The following SYK variants were observed in gnomAD, a reference collection of about 807,000 sequenced individuals.
The protein encoded by SYK is spleen associated tyrosine kinase.
Under a neutral mutation model 77.8 loss-of-function variants are expected in SYK, and 16 were observed. The observed-to-expected ratio is 0.21, with a 90% CI of 0.14 to 0.31. SYK has a LOEUF of 0.31. Among genes scored for constraint, SYK ranks in the 10% least tolerant of loss-of-function variants. SYK has a pLI of 1.00. For missense variants in SYK, 529 were observed against 814.4 expected (o/e 0.65, Z 4.26); for synonymous variants, 312 against 308.7 (o/e 1.01, Z -0.11).
In SYK at chr9:90,884,638, C is replaced by CAT. The variant is rs1306950206; in HGVS notation, c.1582-3105_1582-3104dup. On this transcript the variant is annotated intron_variant, in intron 11 of 13. Coordinates refer to ENST00000375754, the MANE Select transcript of SYK (RefSeq NM_003177.7). ...ACATATACACATATGTGTACATGTA[C>CAT]ATATATACACATATACACATATGTG... Among the ~76,000 whole-genome samples the CAT allele has an allele frequency of 7.0e-5, 4 of 56,762 alleles. 2 individuals carry two copies. The Admixed American group carries it at 7.6e-4, about 11-fold the overall frequency. The allele number at this position is 56,762 out of a possible 152,430, so 37.2% of individuals were successfully genotyped here.
At chr9:90,835,232 A>G (rs964567620) in intron 1 of SYK, among the ~76,000 whole-genome samples, 1 of 152,186 alleles carries the variant, frequency 6.6e-6, no homozygotes, top group Admixed American at 6.5e-5. Context: ...CTTAATTTGT[A>G]AATTGAGTGT....
intron 1 of SYK, among the ~76,000 whole-genome samples, chr9:90,809,751 C>T (rs1825003299): frequency 6.6e-6 from 1 of 152,134 alleles, no homozygotes; most frequent in African/African-American, 2.4e-5. Flanking sequence ...AGTGCCGAGC[C>T]CCTAGCTGTG....
At chr9:90,841,625 AGTGT>A (rs1256620942) in intron 1 of SYK, among the ~76,000 whole-genome samples, 2 of 139,850 alleles carry the variant, frequency 1.4e-5, no homozygotes, top group Non-Finnish European at 3.1e-5. Flanking sequence ...TTGTGTGTGT[AGTGT>A]GTATGTAGTG....
At chr9:90,853,926 G>A (rs1273933015) in intron 3 of SYK, among the ~76,000 whole-genome samples, 2 of 152,200 alleles carry the variant, frequency 1.3e-5, no homozygotes, top group East Asian at 1.9e-4. Context: ...GGCAGCAAGA[G>A]ATTCACGGGG....
intron 12 of SYK, 36 bp from the exon 13 acceptor site, chr9:90,888,476 TAAA>T (rs199586721): frequency 2.7e-6 from 3 of 1,117,476 alleles, no homozygotes; most frequent in Non-Finnish European, 3.7e-6. Context: ...CTAACACCTT[TAAA>T]AAAAAAAAAG....
chr9:90,889,402 A>C (rs1458778854), intron 13 of SYK, among the ~76,000 whole-genome samples: 1 of 152,230 alleles, frequency 6.6e-6, no homozygotes, highest in African/African-American at 2.4e-5. Flanking sequence ...GATCAGGAGG[A>C]CATCACAAAT....
chr9:90,808,396 G>A (rs1286067644), intron 1 of SYK, among the ~76,000 whole-genome samples: 1 of 151,056 alleles, frequency 6.6e-6, no homozygotes. Flanking sequence ...CTGCTTGCAT[G>A]CTTGGTGCCT....
chr9:90,873,038 T>C (rs1587895184), intron 7 of SYK, among the ~76,000 whole-genome samples: 1 of 152,244 alleles, frequency 6.6e-6, no homozygotes, highest in South Asian at 2.1e-4. Flanking sequence ...GTGAACAATG[T>C]CTGCCTCTGA....
intron 11 of SYK, among the ~76,000 whole-genome samples, chr9:90,879,287 C>G (rs1005178055): frequency 6.6e-6 from 1 of 152,226 alleles, no homozygotes; most frequent in Non-Finnish European, 1.5e-5. Context: ...CAGCTTGATT[C>G]TTGCAGGATT....
chr9:90,894,174 T>A (rs904583698), intron 13 of SYK, among the ~76,000 whole-genome samples: 4 of 152,160 alleles, frequency 2.6e-5, no homozygotes, highest in Non-Finnish European at 5.9e-5. Flanking sequence ...CAGAGCCCCC[T>A]GTTTTGCAAA....
chr9:90,851,255 A>G (rs947683356), intron 3 of SYK, among the ~76,000 whole-genome samples: 4 of 152,154 alleles, frequency 2.6e-5, no homozygotes, highest in African/African-American at 7.2e-5. Context: ...GCACCAGGGC[A>G]TGTCCATGTG....
chr9:90,856,368 C>A (rs1827037022), intron 3 of SYK, among the ~76,000 whole-genome samples: 1 of 152,156 alleles, frequency 6.6e-6, no homozygotes, highest in Admixed American at 6.5e-5. Flanking sequence ...GTTGTTCTTG[C>A]CCATTTCTTC....
chr9:90,888,485 A>G (rs1828661314), intron 12 of SYK, 30 bp from the exon 13 acceptor site: 1 of 1,534,972 alleles, frequency 6.5e-7, no homozygotes, highest in African/African-American at 1.4e-5. Context: ...TTAAAAAAAA[A>G]AAAGCTTATG....
At chr9:90,855,031 C>CACAG (rs770402639) in intron 3 of SYK, among the ~76,000 whole-genome samples, 5 of 151,490 alleles carry the variant, frequency 3.3e-5, no homozygotes, top group African/African-American at 1.2e-4. Context: ...CACACACACA[C>CACAG]ACACACACTT....
At chr9:90,853,680 A>G (rs1826906638) in intron 3 of SYK, among the ~76,000 whole-genome samples, 1 of 151,994 alleles carries the variant, frequency 6.6e-6, no homozygotes, top group African/African-American at 2.4e-5. Context: ...TTGAGAACAC[A>G]TGGACACAGG....
At chr9:90,866,879 A>G (rs925175644) in intron 6 of SYK, among the ~76,000 whole-genome samples, 5 of 152,212 alleles carry the variant, frequency 3.3e-5, no homozygotes, top group African/African-American at 1.2e-4. Context: ...AGTGAATGTA[A>G]CAGCTCTAAT....
intron 1 of SYK, among the ~76,000 whole-genome samples, chr9:90,808,218 C>T (rs1243216816): frequency 1.1e-4 from 16 of 152,194 alleles, no homozygotes; most frequent in African/African-American, 3.9e-4. Context: ...TCCTGTTCTT[C>T]AGTCCATCCA....
At chr9:90,805,962 C>T (rs1824820324) in intron 1 of SYK, among the ~76,000 whole-genome samples, 1 of 152,228 alleles carries the variant, frequency 6.6e-6, no homozygotes, top group South Asian at 2.1e-4. Context: ...AGACCACCAT[C>T]ACCTTCTACT....
intron 6 of SYK, among the ~76,000 whole-genome samples, chr9:90,866,262 G>A (rs920101641): frequency 1.3e-5 from 2 of 152,052 alleles, no homozygotes; most frequent in African/African-American, 4.8e-5. Flanking sequence ...CTCACTTTTT[G>A]CCTGGTAACC....
Sources: gnomAD v4.1 joint callset for allele counts (sites outside exome capture counted in the v4.1 genomes callset) on GRCh38, gnomAD v4.1.1 for gene constraint, MANE v1.5 for transcripts, NCBI Gene and HGNC (gene_info 2026-07-23, HGNC 2026-07-21) for gene names.